The following DNAI1 variants were observed in gnomAD, a reference collection of about 807,000 sequenced individuals.
The protein encoded by DNAI1 is dynein axonemal intermediate chain 1, also known as dynein, axonemal, intermediate polypeptide 1.
In DNAI1, 67 loss-of-function variants were observed where a neutral mutation model predicts 92.0. The ratio of observed to expected loss-of-function variants is 0.73; its 90% CI spans 0.60 to 0.89. The LOEUF is 0.89. DNAI1 is among the 40% of genes least tolerant of loss of function. The pLI is 0.00. For missense variants in DNAI1, 839 were observed against 866.6 expected (o/e 0.97, Z 0.40); for synonymous variants, 323 against 319.6 (o/e 1.01, Z -0.11).
intron 19 of DNAI1, among the ~76,000 whole-genome samples, chr9:34,518,047 G>A (rs903820591): frequency 6.6e-6 from 1 of 152,226 alleles, no homozygotes; most frequent in Non-Finnish European, 1.5e-5. Context: ...CTGGAGCCCA[G>A]AGCGATGACC....
At chr9:34,490,332 A>C (rs760239145) in intron 6 of DNAI1, 37 bp from the exon 7 acceptor site, 1 of 1,614,092 alleles carries the variant, frequency 6.2e-7, no homozygotes, top group African/African-American at 1.3e-5. Context: ...CCACCTTCTC[A>C]CAGCTGATTC....
intron 1 of DNAI1, among the ~76,000 whole-genome samples, chr9:34,468,687 C>T (rs1200909630): frequency 6.6e-6 from 1 of 151,722 alleles, no homozygotes. Context: ...ATTAGCCAGG[C>T]GTGGTGGTAT....
Position 34,500,782 on chromosome 9 carries a change from C to A in DNAI1, c.962C>A (p.Pro321Gln), listed in dbSNP as rs775336300. The change falls in exon 11 of 20, where the codon CCG (proline) becomes CAG (glutamine). Residue 321 changes from proline to glutamine, a missense_variant. Physicochemically the swap from Pro to Gln is moderately conservative, Grantham distance 76. Coordinates refer to ENST00000242317, the MANE Select transcript of DNAI1 (RefSeq NM_012144.4). ...CGGGACCAGGTGGGTACCCTGCTGC[C>A]GCTCTGGAAGTTCCAAAATGACAAA... ...EYRDQVGTLL[P>Q]LWKFQNDKAK... 5 of 1,614,130 alleles carry A rather than the reference C, an allele frequency of 3.1e-6. No individual in the cohort carries two copies. The highest frequency in any genetic ancestry group is 4.2e-6 in the Non-Finnish European group (5 of 1,180,018).
At chr9:34,518,709 T>C (rs192710513) in intron 19 of DNAI1, among the ~76,000 whole-genome samples, 1 of 152,314 alleles carries the variant, frequency 6.6e-6, no homozygotes. Context: ...CCAGGAGGGA[T>C]GATGGTCATT....
chr9:34,489,645 C>G (rs1004854536), intron 5 of DNAI1, among the ~76,000 whole-genome samples, 196 bp downstream of exon 5: 4 of 151,986 alleles, frequency 2.6e-5, no homozygotes, highest in Non-Finnish European at 5.9e-5. Flanking sequence ...GTCAGGAGAT[C>G]GAGACCATCC....
chr9:34,510,954 C>T (rs1825054759), intron 13 of DNAI1, among the ~76,000 whole-genome samples: 1 of 152,228 alleles, frequency 6.6e-6, no homozygotes, highest in Non-Finnish European at 1.5e-5. Context: ...CCTCCTGAAG[C>T]TCCGATCCAC....
At chr9:34,496,452 G>A (rs1024432785) in intron 9 of DNAI1, among the ~76,000 whole-genome samples, 3 of 152,140 alleles carry the variant, frequency 2.0e-5, no homozygotes, top group Non-Finnish European at 4.4e-5. Context: ...CTCATCTTGG[G>A]GATTTATGGA....
intron 1 of DNAI1, among the ~76,000 whole-genome samples, chr9:34,478,440 G>A (rs1204975950): frequency 1.3e-5 from 2 of 152,180 alleles, no homozygotes; most frequent in African/African-American, 4.8e-5. Context: ...GCAATGTCAA[G>A]TCCTATAAGA....
intron 13 of DNAI1, among the ~76,000 whole-genome samples, chr9:34,507,689 G>A (rs1397833012): frequency 1.3e-5 from 2 of 152,200 alleles, no homozygotes; most frequent in South Asian, 2.1e-4. Flanking sequence ...AACTCCGCAC[G>A]GGGCCTTTCC....
intron 1 of DNAI1, among the ~76,000 whole-genome samples, chr9:34,476,267 GTAC>G (rs1824234162): frequency 6.6e-6 from 1 of 151,912 alleles, no homozygotes; most frequent in South Asian, 2.1e-4. Context: ...GCTGCAGATA[GTAC>G]TAGGTTGATA....
chr9:34,474,085 TC>T (rs1359231407), intron 1 of DNAI1, among the ~76,000 whole-genome samples: 1 of 152,112 alleles, frequency 6.6e-6, no homozygotes, highest in African/African-American at 2.4e-5. Context: ...ATGCATAACA[TC>T]CCATTGAATT....
chr9:34,490,330 T>C (rs772701299), intron 6 of DNAI1, 39 bp from the exon 7 acceptor site: 1 of 1,614,012 alleles, frequency 6.2e-7, no homozygotes, highest in African/African-American at 1.3e-5. Flanking sequence ...TACCACCTTC[T>C]CACAGCTGAT....
chr9:34,481,664 C>T (rs905416010), intron 1 of DNAI1, among the ~76,000 whole-genome samples: 7 of 152,050 alleles, frequency 4.6e-5, no homozygotes, highest in Admixed American at 1.3e-4. Context: ...TTCGTGGTTT[C>T]GCTGGCTCAG....
intron 18 of DNAI1, among the ~76,000 whole-genome samples, chr9:34,516,856 C>T (rs1825179208): frequency 6.6e-6 from 1 of 151,788 alleles, no homozygotes; most frequent in African/African-American, 2.4e-5. Context: ...TCTCCCATCT[C>T]AGCCTCCCTA....
Position 34,520,915 on chromosome 9 carries a change from AC to A in DNAI1, c.*163del. 2.7e-6 allele frequency: 2 copies of A among 751,136 alleles called. No homozygotes were observed. Among genetic ancestry groups the A allele is most frequent in the African/African-American group, 1.7e-5 (1 of 57,800 alleles). The allele number at this position is 751,136 out of a possible 1,614,324, so 46.5% of individuals were successfully genotyped here. A position where few individuals can be genotyped will look rare whatever the true frequency, so the allele number is the denominator to read the frequency against. On this transcript the variant is annotated 3_prime_UTR_variant, in exon 20 of 20. Transcript: ENST00000242317. ...CTGTTCCTTAAGGTCCCAGCACCTT[AC>A]CCCAGGACTTGGTCTTCAACCACCA...
At chr9:34,505,491 G>A (rs1174749999) in intron 12 of DNAI1, among the ~76,000 whole-genome samples, 1 of 152,208 alleles carries the variant, frequency 6.6e-6, no homozygotes, top group African/African-American at 2.4e-5. Context: ...CTCTTGCCAT[G>A]AAAAGTGACA....
At chr9:34,515,847 A>T (rs1189820928) in intron 18 of DNAI1, among the ~76,000 whole-genome samples, 1 of 152,260 alleles carries the variant, frequency 6.6e-6, no homozygotes, top group Admixed American at 6.5e-5. Flanking sequence ...TCGGTTGTAG[A>T]GAAGGTTGCA....
chr9:34,497,893 A>G (rs1359825047), intron 10 of DNAI1, among the ~76,000 whole-genome samples: 1 of 152,204 alleles, frequency 6.6e-6, no homozygotes, highest in Non-Finnish European at 1.5e-5. Flanking sequence ...CCCTGACCCA[A>G]ACAGGATCTT....
intron 4 of DNAI1, among the ~76,000 whole-genome samples, chr9:34,489,007 T>G (rs1824527842): frequency 6.6e-6 from 1 of 152,208 alleles, no homozygotes; most frequent in Non-Finnish European, 1.5e-5. Context: ...CTTGAAACCC[T>G]TGGCATGGAA....
Sources: gnomAD v4.1 joint callset for allele counts (sites outside exome capture counted in the v4.1 genomes callset) on GRCh38, gnomAD v4.1.1 for gene constraint, MANE v1.5 for transcripts, NCBI Gene and HGNC (gene_info 2026-07-23, HGNC 2026-07-21) for gene names.